The following ZNF704 variants were observed in gnomAD, a reference collection of about 807,000 sequenced individuals.
The protein encoded by ZNF704 is glucocorticoid induced gene 1.
In ZNF704, 10 loss-of-function variants were observed where a neutral mutation model predicts 44.7. The observed-to-expected ratio is 0.22, with a 90% CI of 0.14 to 0.38. The LOEUF is 0.38. Among genes scored for constraint, ZNF704 ranks in the 10% least tolerant of loss-of-function variants. The probability of loss-of-function intolerance (pLI) is 1.00; values close to 1 mark genes in which losing one functional copy is unlikely to be tolerated. For missense variants in ZNF704, 390 were observed against 545.5 expected (o/e 0.71, Z 2.84); for synonymous variants, 211 against 207.6 (o/e 1.02, Z -0.14).
At chr8:80,877,266 G>GT (rs1809368202), upstream of ZNF704, among the ~76,000 whole-genome samples, 1 of 150,688 alleles carries the variant, frequency 6.6e-6, no homozygotes, top group African/African-American at 2.4e-5. Flanking sequence ...CAAAAAAGAG[G>GT]TTTCACCCAA....
intron 7 of ZNF704, among the ~76,000 whole-genome samples, chr8:80,653,828 G>A (rs1296881686): frequency 2.0e-5 from 3 of 152,020 alleles, no homozygotes; most frequent in Non-Finnish European, 2.9e-5. Flanking sequence ...TTCACGAATC[G>A]GAAAAAACTA....
chr8:80,824,720 T>G (rs932179180), intron 1 of ZNF704, among the ~76,000 whole-genome samples: 3 of 152,218 alleles, frequency 2.0e-5, no homozygotes, highest in Non-Finnish European at 2.9e-5. Flanking sequence ...ACTAACAGTG[T>G]ATCTCTCGGC....
rs1487516697 is a variant in ZNF704, at chr8:80,639,604, GT to G, written c.*1761del. 1 of 152,122 alleles carries G rather than the reference GT, an allele frequency of 6.6e-6. No homozygotes were observed. The highest frequency in any genetic ancestry group is 1.5e-5 in the Non-Finnish European group (1 of 68,022). The allele number at this position is 152,122 out of a possible 1,614,324, so 9.4% of individuals were successfully genotyped here. A position where few individuals can be genotyped will look rare whatever the true frequency, so the allele number is the denominator to read the frequency against. On this transcript the variant is annotated 3_prime_UTR_variant, in exon 9 of 9. Coordinates refer to ENST00000327835, the MANE Select transcript of ZNF704 (RefSeq NM_001033723.3). Reference sequence around the variant, plus strand: ...AAAAAACCAGGATCTCTTCCAAGGAGTAATTTTAAAAAATTTATATGAGAGT... The same window carrying G: ...AAAAAACCAGGATCTCTTCCAAGGAGAATTTTAAAAAATTTATATGAGAGT...
chr8:80,641,605 T>G, intron 8 of ZNF704, 128 bp from the exon 9 acceptor site: 1 of 536,712 alleles, frequency 1.9e-6, no homozygotes, highest in South Asian at 2.7e-5. Context: ...TGGTGGCTCA[T>G]GCCTGTAATC....
rs368772549 is a variant in ZNF704, at chr8:80,868,789, C to T, written c.-22+5782G>A. ...CTTTGTTTTCTCCAACCCACTGACACATGATTTTTCTGCCTTCCCTCACTC... is the reference window on the plus strand; with the variant it reads ...CTTTGTTTTCTCCAACCCACTGACATATGATTTTTCTGCCTTCCCTCACTC... On this transcript the variant is annotated intron_variant, in intron 1 of 8. Coordinates refer to ENST00000327835, the MANE Select transcript of ZNF704 (RefSeq NM_001033723.3). 7.9e-5 allele frequency among the ~76,000 whole-genome samples: 12 copies of T among 152,308 alleles called. No individual in the cohort carries two copies. In the East Asian group the frequency reaches 1.5e-3, roughly 20 times the overall value.
At chr8:80,726,820 TACAC>T (rs1005185229) in intron 2 of ZNF704, among the ~76,000 whole-genome samples, 1 of 146,398 alleles carries the variant, frequency 6.8e-6, no homozygotes, top group South Asian at 2.2e-4. Context: ...ATGTTAAAAA[TACAC>T]ACACACATGC....
At chr8:80,799,330 T>C (rs1417238959) in intron 2 of ZNF704, among the ~76,000 whole-genome samples, 1 of 152,248 alleles carries the variant, frequency 6.6e-6, no homozygotes, top group Non-Finnish European at 1.5e-5. Context: ...TATAATTGAA[T>C]TGAATTTCTC....
chr8:80,860,473 C>G (rs527591672), intron 1 of ZNF704, among the ~76,000 whole-genome samples: 23 of 152,302 alleles, frequency 1.5e-4, no homozygotes, highest in South Asian at 4.1e-4. Flanking sequence ...GTTTGTCTAA[C>G]TATAATGTGT....
chr8:80,800,459 AC>A (rs1185387744), intron 2 of ZNF704, among the ~76,000 whole-genome samples: 1 of 152,178 alleles, frequency 6.6e-6, no homozygotes, highest in Non-Finnish European at 1.5e-5. Flanking sequence ...CTAACAGTGG[AC>A]CTCTCAGCAG....
intron 2 of ZNF704, among the ~76,000 whole-genome samples, chr8:80,781,709 T>C (rs1236411364): frequency 6.6e-6 from 1 of 152,240 alleles, no homozygotes; most frequent in African/African-American, 2.4e-5. Flanking sequence ...CAGCCCATAA[T>C]GTGCCACCAC....
chr8:80,837,941 G>A (rs1808609168), intron 1 of ZNF704, among the ~76,000 whole-genome samples: 1 of 152,110 alleles, frequency 6.6e-6, no homozygotes, highest in East Asian at 1.9e-4. Context: ...TTTCTGCCAA[G>A]GGGTCCCACA....
At chr8:80,856,729 G>C (rs1209250861) in intron 1 of ZNF704, among the ~76,000 whole-genome samples, 1 of 152,140 alleles carries the variant, frequency 6.6e-6, no homozygotes, top group Non-Finnish European at 1.5e-5. Context: ...TGTAGCATCA[G>C]TAGCACACTG....
At chr8:80,793,475 C>T in intron 2 of ZNF704, among the ~76,000 whole-genome samples, 1 of 152,002 alleles carries the variant, frequency 6.6e-6, no homozygotes. Context: ...GAAATACATT[C>T]ATAATATATT....
intron 5 of ZNF704, among the ~76,000 whole-genome samples, chr8:80,666,891 A>C (rs1192522592): frequency 1.3e-5 from 2 of 151,734 alleles, no homozygotes. Flanking sequence ...GTAGGTTGCG[A>C]AAATTTTCTC....
At chr8:80,736,918 G>C (rs1363598758) in intron 2 of ZNF704, among the ~76,000 whole-genome samples, 6 of 151,616 alleles carry the variant, frequency 4.0e-5, no homozygotes, top group Non-Finnish European at 2.9e-5. Flanking sequence ...ATATGGTCTA[G>C]GGCTTTGGGC....
intron 1 of ZNF704, among the ~76,000 whole-genome samples, chr8:80,853,555 A>G (rs923069034): frequency 2.6e-5 from 4 of 152,206 alleles, no homozygotes; most frequent in Admixed American, 2.6e-4. Flanking sequence ...TGGAGGAAAA[A>G]AAAATTAAAA....
chr8:80,761,878 T>C (rs1054963759), intron 2 of ZNF704, among the ~76,000 whole-genome samples: 8 of 152,226 alleles, frequency 5.3e-5, no homozygotes, highest in Admixed American at 4.6e-4. Flanking sequence ...CTGAAATACC[T>C]TGATAGATAA....
chr8:80,761,134 G>GC (rs1280673469), intron 2 of ZNF704, among the ~76,000 whole-genome samples: 1 of 152,186 alleles, frequency 6.6e-6, no homozygotes, highest in East Asian at 1.9e-4. Context: ...AGGCCCTCTT[G>GC]CCCTTCCACT....
At chr8:80,672,463 T>G (rs1818297452) in intron 4 of ZNF704, among the ~76,000 whole-genome samples, 1 of 152,224 alleles carries the variant, frequency 6.6e-6, no homozygotes, top group South Asian at 2.1e-4. Context: ...AAGACCCATG[T>G]ACTTGTATGT....
Sources: gnomAD v4.1 joint callset for allele counts (sites outside exome capture counted in the v4.1 genomes callset) on GRCh38, gnomAD v4.1.1 for gene constraint, MANE v1.5 for transcripts, NCBI Gene and HGNC (gene_info 2026-07-23, HGNC 2026-07-21) for gene names.